The following CHN2 variants were observed in gnomAD, a reference collection of about 807,000 sequenced individuals.
CHN2 encodes beta-chimaerin.
Under a neutral mutation model 56.3 loss-of-function variants are expected in CHN2, and 35 were observed. That is an observed-to-expected ratio of 0.62 (90% CI 0.47 to 0.82). CHN2 has a LOEUF of 0.82. CHN2 is among the 40% of genes least tolerant of loss of function. The pLI is 0.00. For synonymous variants in CHN2, 210 were observed against 212.8 expected (o/e 0.99, Z 0.12); for missense variants, 491 against 580.5 (o/e 0.85, Z 1.58).
chr7:29,358,230 T>G (rs147839254), intron 2 of CHN2, among the ~76,000 whole-genome samples: 23 of 152,136 alleles, frequency 1.5e-4, no homozygotes, highest in African/African-American at 5.3e-4. Flanking sequence ...ATGGCATTAT[T>G]CCTACAAGAA....
At chr7:29,179,671 A>T (rs245916) in intron 2 of CHN2, among the ~76,000 whole-genome samples, 43,889 of 152,186 alleles carry the variant, frequency 0.29, 6,489 homozygotes, top group East Asian at 0.35. Context: ...TAAGTAGAGA[A>T]ACCATCAATA....
chr7:29,293,374 C>CCCG (rs1562895710), intron 1 of CHN2, among the ~76,000 whole-genome samples: 4 of 126,558 alleles, frequency 3.2e-5, no homozygotes, highest in Non-Finnish European at 7.0e-5. Context: ...CCCCCCCCCC[C>CCCG]CCCATATTAA....
intron 1 of CHN2, among the ~76,000 whole-genome samples, chr7:29,239,766 A>G (rs2128809083): frequency 6.6e-6 from 1 of 152,070 alleles, no homozygotes; most frequent in African/African-American, 2.4e-5. Context: ...TCCTCTGCAT[A>G]GTGCTCAGAG....
chr7:29,221,203 C>T (rs2128792133), intron 1 of CHN2, among the ~76,000 whole-genome samples: 1 of 152,124 alleles, frequency 6.6e-6, no homozygotes, highest in African/African-American at 2.4e-5. Flanking sequence ...CTAGCCAATG[C>T]AATAAGCCAA....
At chr7:29,358,149 T>C (rs182192653) in intron 2 of CHN2, among the ~76,000 whole-genome samples, 117 of 151,384 alleles carry the variant, frequency 7.7e-4, no homozygotes, top group African/African-American at 2.1e-3. Flanking sequence ...CTTGTTTTCA[T>C]TGACGTTTTT....
chr7:29,499,765 C>G (rs1335200879), intron 8 of CHN2, 102 bp from the exon 9 acceptor site: 2 of 1,111,192 alleles, frequency 1.8e-6, no homozygotes, highest in Non-Finnish European at 2.5e-6. Flanking sequence ...AGAAATATGT[C>G]AAACCCTTGG....
chr7:29,243,220 A>G (rs1388572127), intron 1 of CHN2, among the ~76,000 whole-genome samples: 2 of 152,172 alleles, frequency 1.3e-5, no homozygotes, highest in African/African-American at 4.8e-5. Flanking sequence ...CTCCAAGAAC[A>G]AAAAAAGCAA....
intron 1 of CHN2, among the ~76,000 whole-genome samples, chr7:29,302,572 C>A (rs1481825943): frequency 7.1e-6 from 1 of 141,012 alleles, no homozygotes; most frequent in Non-Finnish European, 1.5e-5. Flanking sequence ...AACTCTTGGG[C>A]TCAAGCGATC....
At chr7:29,205,010 G>T (rs747399605) in intron 1 of CHN2, among the ~76,000 whole-genome samples, 29 of 152,194 alleles carry the variant, frequency 1.9e-4, no homozygotes, top group Non-Finnish European at 3.7e-4. Flanking sequence ...ATTTGGTTCC[G>T]CATTCTAAAG....
intron 1 of CHN2, among the ~76,000 whole-genome samples, chr7:29,197,144 T>C (rs1783799757): frequency 6.6e-6 from 1 of 152,200 alleles, no homozygotes; most frequent in Non-Finnish European, 1.5e-5. Flanking sequence ...CTATTTGTGG[T>C]GGCAGCTGGG....
At chr7:29,429,475 T>G (rs1257262588) in intron 6 of CHN2, among the ~76,000 whole-genome samples, 1 of 152,220 alleles carries the variant, frequency 6.6e-6, no homozygotes, top group African/African-American at 2.4e-5. Flanking sequence ...TGATACCAAT[T>G]ATATAAAATC....
chr7:29,378,643 C>T (rs367801366), intron 3 of CHN2, among the ~76,000 whole-genome samples: 1 of 152,186 alleles, frequency 6.6e-6, no homozygotes, highest in Non-Finnish European at 1.5e-5. Context: ...AGTTTGCCGA[C>T]CCCTGGTCTT....
intron 1 of CHN2, among the ~76,000 whole-genome samples, chr7:29,250,114 A>G: frequency 1.3e-5 from 2 of 152,244 alleles, no homozygotes; most frequent in East Asian, 3.8e-4. Context: ...TACCAGAGAC[A>G]TCAGTTAGCT....
At chr7:29,294,422 G>GT (rs1792954569) in intron 1 of CHN2, among the ~76,000 whole-genome samples, 1 of 152,120 alleles carries the variant, frequency 6.6e-6, no homozygotes, top group East Asian at 1.9e-4. Flanking sequence ...TATTTGGAAG[G>GT]TGGCATGCCT....
At chr7:29,348,664 G>T (rs1451168663) in intron 1 of CHN2, among the ~76,000 whole-genome samples, 1 of 152,084 alleles carries the variant, frequency 6.6e-6, no homozygotes, top group African/African-American at 2.4e-5. Context: ...CACGAATACT[G>T]TACATGCTGT....
chr7:29,356,202 C>T (rs1461211734), intron 2 of CHN2, among the ~76,000 whole-genome samples: 1 of 152,100 alleles, frequency 6.6e-6, no homozygotes, highest in East Asian at 1.9e-4. Context: ...AACCCACAGC[C>T]TGCACGTGTC....
At chr7:29,385,169 C>G (rs1800820454) in intron 3 of CHN2, among the ~76,000 whole-genome samples, 1 of 152,036 alleles carries the variant, frequency 6.6e-6, no homozygotes, top group Non-Finnish European at 1.5e-5. Flanking sequence ...TAAAAGCTAC[C>G]TTTATAAATT....
chr7:29,268,283 A>AACACACACACACACACACACACACAC (rs145638795), intron 1 of CHN2, among the ~76,000 whole-genome samples: 26 of 134,236 alleles, frequency 1.9e-4, no homozygotes, highest in South Asian at 8.2e-4. Flanking sequence ...GCTTCACCAG[A>AACACACACACACACACACACACACAC]ACACACACAC....
intron 1 of CHN2, among the ~76,000 whole-genome samples, chr7:29,288,055 G>GA (rs1255611001): frequency 6.6e-6 from 1 of 151,928 alleles, no homozygotes; most frequent in Non-Finnish European, 1.5e-5. Flanking sequence ...ATGACAATAT[G>GA]AAAAAATAAA....
Sources: allele counts gnomAD v4.1 joint callset (sites outside exome capture counted in the v4.1 genomes callset), GRCh38; gene constraint gnomAD v4.1.1; transcripts MANE v1.5; gene names NCBI Gene and HGNC (gene_info 2026-07-23, HGNC 2026-07-21).